Variants in PLPP4 observed in about 807,000 individuals in gnomAD.
The protein encoded by PLPP4 is diacylglycerol pyrophosphate like 2.
Under a neutral mutation model 32.2 loss-of-function variants are expected in PLPP4, and 20 were observed. That is an observed-to-expected ratio of 0.62 (90% CI 0.44 to 0.90). The LOEUF (loss-of-function observed/expected upper bound fraction) is 0.90. Among genes scored for constraint, PLPP4 ranks in the 40% least tolerant of loss-of-function variants. The pLI is 0.00. For synonymous variants in PLPP4, 127 were observed against 133.0 expected (o/e 0.95, Z 0.31); for missense variants, 257 against 353.1 (o/e 0.73, Z 2.18).
At chr10:120,539,304 T>C (rs1847225304) in intron 5 of PLPP4, among the ~76,000 whole-genome samples, 1 of 152,156 alleles carries the variant, frequency 6.6e-6, no homozygotes, top group Admixed American at 6.5e-5. Flanking sequence ...CACTTGGAGT[T>C]AGGAAATTCT....
chr10:120,577,235 CT>C (rs1173612841), intron 6 of PLPP4, among the ~76,000 whole-genome samples: 16 of 152,106 alleles, frequency 1.1e-4, no homozygotes, highest in African/African-American at 3.9e-4. Context: ...CAGGTTTTCA[CT>C]TTTATTCAAC....
rs146347000 is a variant in PLPP4 at position 120,474,296 on chromosome 10, T to TTTTAC, written c.56+16939_56+16943dup. Among the ~76,000 whole-genome samples, 982 of 152,204 alleles carry TTTTAC rather than the reference T, an allele frequency of 6.5e-3. 8 individuals are homozygous for TTTTAC. The highest frequency in any genetic ancestry group is 0.023 in the African/African-American group (944 of 41,534). On this transcript the variant is annotated intron_variant, in intron 1 of 6. Coordinates refer to ENST00000398250, the MANE Select transcript of PLPP4 (RefSeq NM_001030059.3). ...TTAAAAAAATTTATCATTTATCCAT[T>TTTTAC]TTTACTTTTACCATGACTATTTTTA...
At chr10:120,457,799 C>A (rs1847859559) in intron 1 of PLPP4, among the ~76,000 whole-genome samples, 1 of 152,076 alleles carries the variant, frequency 6.6e-6, no homozygotes, top group African/African-American at 2.4e-5. Context: ...GGGCCAGACT[C>A]CTTCCGTGTC....
At chr10:120,548,377 C>A (rs569416976) in intron 5 of PLPP4, among the ~76,000 whole-genome samples, 1 of 152,230 alleles carries the variant, frequency 6.6e-6, no homozygotes, top group Non-Finnish European at 1.5e-5. Flanking sequence ...AAGGTCTCCA[C>A]CTCCATCTAC....
intron 1 of PLPP4, among the ~76,000 whole-genome samples, chr10:120,465,811 A>G (rs996859752): frequency 2.0e-5 from 3 of 152,154 alleles, no homozygotes; most frequent in Non-Finnish European, 4.4e-5. Context: ...ATTCTATAGA[A>G]ATGGAACCAT....
intron 5 of PLPP4, among the ~76,000 whole-genome samples, chr10:120,541,289 G>A (rs1237974721): frequency 6.6e-6 from 1 of 152,186 alleles, no homozygotes; most frequent in Non-Finnish European, 1.5e-5. Flanking sequence ...TAGAATGGGA[G>A]TTTCAGTCCT....
In PLPP4 at chr10:120,589,757, TTGG is replaced by T; in HGVS notation, c.*256_*258del. On this transcript the variant is annotated 3_prime_UTR_variant, in exon 7 of 7. Transcript: ENST00000398250. ...GCTGTGAAGGTGGGGTTTGGGGAGC[TTGG>T]CCGATTCGTCTATCTGAAATGTTTG... The T allele has an allele frequency of 2.2e-6, 1 of 451,688 alleles. No individual in the cohort carries two copies. The highest frequency in any genetic ancestry group is 3.9e-5 in the Admixed American group (1 of 25,466). 28.0% of individuals were successfully genotyped at this position (451,688 alleles called of 1,614,324 possible).
At chr10:120,458,112 G>A (rs947937749) in intron 1 of PLPP4, among the ~76,000 whole-genome samples, 1 of 152,170 alleles carries the variant, frequency 6.6e-6, no homozygotes, top group African/African-American at 2.4e-5. Flanking sequence ...TCCTCCGTGC[G>A]CCCAGGGACC....
chr10:120,546,291 G>A (rs1033673882), intron 5 of PLPP4, among the ~76,000 whole-genome samples: 3 of 152,056 alleles, frequency 2.0e-5, no homozygotes, highest in Non-Finnish European at 4.4e-5. Context: ...TCCTTCTTGA[G>A]AATGGAAAAT....
Position 120,575,186 on chromosome 10 carries a change from C to T in PLPP4, c.501C>T (p.Cys167=). ...TCTACTTGGCGGGCAAGCTGCACTGCTTCACCGAGAGTGGGCGGGGAAAGA... is the reference window on the plus strand; with the variant it reads ...TCTACTTGGCGGGCAAGCTGCACTGTTTCACCGAGAGTGGGCGGGGAAAGA... ...TTFYLAGKLH[C]FTESGRGKSW... The change falls in exon 6 of 7, where the codon TGC becomes TGT. Residue 167 remains cysteine, a synonymous_variant. Coordinates refer to ENST00000398250, the MANE Select transcript of PLPP4 (RefSeq NM_001030059.3). 6.2e-7 allele frequency: 1 copy of T among 1,614,026 alleles called. No homozygotes were observed. Among genetic ancestry groups the T allele is most frequent in the Non-Finnish European group, 8.5e-7 (1 of 1,180,036 alleles).
intron 5 of PLPP4, among the ~76,000 whole-genome samples, chr10:120,554,690 C>G (rs997554602): frequency 5.3e-5 from 8 of 152,030 alleles, no homozygotes; most frequent in Non-Finnish European, 1.0e-4. Flanking sequence ...AGGAAACTTA[C>G]AATCATGGCA....
At position 120,557,720 on chromosome 10, in the gene PLPP4, C is replaced by G. The variant is rs139636727; in HGVS notation, c.446-17411C>G. ...GCATGCATAGCCCTGGCATGTGTAG[C>G]GTATGCCCTGTGATTATGGAATTTT... On this transcript the variant is annotated intron_variant, in intron 5 of 6. Transcript: ENST00000398250. Among the ~76,000 whole-genome samples the G allele has an allele frequency of 1.6e-3, 240 of 152,232 alleles. 1 individual carries two copies. Among genetic ancestry groups the G allele is most frequent in the African/African-American group, 5.5e-3 (230 of 41,528 alleles).
chr10:120,552,727 G>T (rs774255407), intron 5 of PLPP4, among the ~76,000 whole-genome samples: 1 of 152,168 alleles, frequency 6.6e-6, no homozygotes, highest in East Asian at 1.9e-4. Flanking sequence ...ACCTACTTTG[G>T]CCCTACAGAA....
intron 5 of PLPP4, among the ~76,000 whole-genome samples, chr10:120,542,233 G>A (rs181128359): frequency 7.9e-5 from 12 of 152,332 alleles, no homozygotes; most frequent in African/African-American, 2.9e-4. Flanking sequence ...AACACCCAGG[G>A]TGAGGTCAGC....
chr10:120,467,261 A>AT (rs539089820), intron 1 of PLPP4, among the ~76,000 whole-genome samples: 7 of 60,870 alleles, frequency 1.1e-4, no homozygotes, highest in African/African-American at 1.7e-4. Context: ...TTGTAATTTT[A>AT]TTTTTTTTTA....
intron 1 of PLPP4, among the ~76,000 whole-genome samples, chr10:120,486,153 G>A (rs1844437379): frequency 6.6e-6 from 1 of 152,198 alleles, no homozygotes; most frequent in East Asian, 1.9e-4. Context: ...GCCTGCTTCT[G>A]TGGATTTTTC....
chr10:120,543,533 T>C (rs1386538053), intron 5 of PLPP4, among the ~76,000 whole-genome samples: 1 of 152,158 alleles, frequency 6.6e-6, no homozygotes, highest in African/African-American at 2.4e-5. Flanking sequence ...CATTTGGCCC[T>C]GACTAATCTC....
intron 1 of PLPP4, among the ~76,000 whole-genome samples, chr10:120,486,136 G>T (rs982998367): frequency 2.6e-5 from 4 of 152,192 alleles, no homozygotes; most frequent in African/African-American, 9.7e-5. Flanking sequence ...TCCGGGTTGA[G>T]GCCAGGGCCT....
chr10:120,485,934 G>A (rs566177457), intron 1 of PLPP4, among the ~76,000 whole-genome samples: 67 of 152,254 alleles, frequency 4.4e-4, no homozygotes, highest in Non-Finnish European at 7.5e-4. Context: ...GTAAGCAGCC[G>A]GTGGGGACAC....
Sources: gnomAD v4.1 joint callset for allele counts (sites outside exome capture counted in the v4.1 genomes callset) on GRCh38, gnomAD v4.1.1 for gene constraint, MANE v1.5 for transcripts, NCBI Gene and HGNC (gene_info 2026-07-23, HGNC 2026-07-21) for gene names.